The following FTO variants were observed in gnomAD, a reference collection of about 807,000 sequenced individuals.
FTO encodes alpha-ketoglutarate-dependent dioxygenase FTO.
In FTO, 47 loss-of-function variants were observed where a neutral mutation model predicts 63.9. The ratio of observed to expected loss-of-function variants is 0.74; its 90% confidence interval spans 0.58 to 0.94. The LOEUF (loss-of-function observed/expected upper bound fraction) is 0.94. Ranked by LOEUF, FTO falls within the 40% of genes least tolerant of loss-of-function variation. FTO has a pLI of 0.00. For synonymous variants in FTO, 207 were observed against 224.4 expected, an observed-to-expected ratio of 0.92 and a Z score of 0.69; for missense variants, 562 against 618.1, an observed-to-expected ratio of 0.91 and a Z score of 0.96.
chr16:53,953,616 T>C (rs1015039763), intron 8 of FTO, among the ~76,000 whole-genome samples: 4 of 152,202 alleles, frequency 2.6e-5, no homozygotes, highest in African/African-American at 9.6e-5. Context: ...TAGCAGCAAA[T>C]GTTACCATAT....
intron 8 of FTO, among the ~76,000 whole-genome samples, chr16:53,952,826 C>T (rs1187552964): frequency 6.6e-6 from 1 of 152,174 alleles, no homozygotes. Flanking sequence ...TCTCGATTAA[C>T]CTTGATTTAA....
chr16:53,704,058 T>G, upstream of FTO: 1 of 1,040,330 alleles, frequency 9.6e-7, no homozygotes, highest in South Asian at 1.4e-5. Flanking sequence ...GAGTTGTAGT[T>G]TTTTCTACTC....
intron 8 of FTO, among the ~76,000 whole-genome samples, chr16:54,075,272 T>G (rs937566600): frequency 1.2e-4 from 19 of 152,182 alleles, no homozygotes; most frequent in African/African-American, 4.6e-4. Flanking sequence ...TATCTGTTGG[T>G]AATGGCAATA....
chr16:53,757,045 C>G (rs1180714149), intron 1 of FTO, among the ~76,000 whole-genome samples: 1 of 151,922 alleles, frequency 6.6e-6, no homozygotes, highest in Non-Finnish European at 1.5e-5. Context: ...TGAGTGAAGT[C>G]TGTGTTTTCA....
At chr16:53,858,543 C>G (rs572357218) in intron 4 of FTO, among the ~76,000 whole-genome samples, 1 of 152,298 alleles carries the variant, frequency 6.6e-6, no homozygotes, top group South Asian at 2.1e-4. Context: ...ACATAACTTC[C>G]CCTCTCCTTC....
intron 8 of FTO, among the ~76,000 whole-genome samples, chr16:54,048,634 C>T (rs186150577): frequency 6.6e-6 from 1 of 152,168 alleles, no homozygotes; most frequent in African/African-American, 2.4e-5. Context: ...AGGGATGCCA[C>T]GTCATTAATA....
chr16:53,830,135 G>T (rs1389969764), intron 3 of FTO, among the ~76,000 whole-genome samples: 1 of 152,140 alleles, frequency 6.6e-6, no homozygotes, highest in African/African-American at 2.4e-5. Context: ...CATGAGTAGA[G>T]GTCATTGAGA....
chr16:53,923,913 A>C (rs988829709), intron 7 of FTO, among the ~76,000 whole-genome samples: 2 of 151,826 alleles, frequency 1.3e-5, no homozygotes, highest in Non-Finnish European at 2.9e-5. Context: ...CTGTGGCTCC[A>C]TGGCTTTTTG....
chr16:53,856,480 G>T (rs1444675962), intron 4 of FTO, among the ~76,000 whole-genome samples: 1 of 151,966 alleles, frequency 6.6e-6, no homozygotes, highest in African/African-American at 2.4e-5. Flanking sequence ...TTTTCTATGG[G>T]AGTGAAAACT....
At chr16:53,716,344 T>C (rs1331872324) in intron 1 of FTO, among the ~76,000 whole-genome samples, 1 of 152,216 alleles carries the variant, frequency 6.6e-6, no homozygotes, top group African/African-American at 2.4e-5. Context: ...TTGTTTATGT[T>C]CTGGCATTTA....
chr16:53,839,814 TATTTA>T (rs779901707), intron 3 of FTO, among the ~76,000 whole-genome samples: 2,948 of 61,394 alleles, frequency 0.048, 59 homozygotes, highest in Middle Eastern at 0.14. Flanking sequence ...TTTATTTATT[TATTTA>T]TTTTAAGGTG....
chr16:53,927,107 G>A (rs1003747746), intron 7 of FTO, among the ~76,000 whole-genome samples: 2 of 152,162 alleles, frequency 1.3e-5, no homozygotes, highest in African/African-American at 4.8e-5. Flanking sequence ...CTTGAAGCAG[G>A]AAAATTAATG....
chr16:53,954,213 A>C (rs2082867268), intron 8 of FTO, among the ~76,000 whole-genome samples: 1 of 152,116 alleles, frequency 6.6e-6, no homozygotes, highest in Admixed American at 6.5e-5. Context: ...ACATCTCGAG[A>C]ATGAGGAGTT....
At position 53,826,184 on chromosome 16, in the gene FTO, A is replaced by G. The variant is rs141915969; in HGVS notation, c.444A>G (p.Ile148Met). Reference sequence around the variant, plus strand: ...TCAAGCTCAATGACTACCTGCAGATAGAAACCATCCAGGCTTTGGAAGAAC... The same window carrying G: ...TCAAGCTCAATGACTACCTGCAGATGGAAACCATCCAGGCTTTGGAAGAAC... ...TFLKLNDYLQIETIQALEELA... is the reference protein window; with the variant it reads ...TFLKLNDYLQMETIQALEELA... Residue 148 changes from isoleucine (I) to methionine (M), a missense_variant, in exon 3 of 9, where the codon ATA (isoleucine) becomes ATG (methionine). Ile to Met is a conservative substitution (Grantham distance 10). Transcript: ENST00000471389. The G allele has an allele frequency of 1.2e-6, 2 of 1,614,086 alleles. No homozygotes were observed. The highest frequency in any genetic ancestry group is 2.7e-5 in the African/African-American group (2 of 74,936).
At chr16:54,065,845 C>T (rs1018795866) in intron 8 of FTO, among the ~76,000 whole-genome samples, 3 of 152,198 alleles carry the variant, frequency 2.0e-5, no homozygotes, top group Non-Finnish European at 2.9e-5. Context: ...TTGGAGTCCT[C>T]GTCCCCATCT....
chr16:54,119,713 A>G lies in FTO; in HGVS notation c.*7798A>G, dbSNP rs2144649180. On this transcript the variant is annotated 3_prime_UTR_variant, in exon 9 of 9. Coordinates refer to ENST00000471389, the MANE Select transcript of FTO (RefSeq NM_001080432.3). The stretch of plus-strand genomic sequence containing the variant: ...TGGAATGATCTGTCAGAAGCCATTA[A>G]AGCCCCCATTAGCTTGAATGCATTC... The G allele has an allele frequency of 6.6e-6, 1 of 152,306 alleles. No homozygotes were observed. Among genetic ancestry groups the G allele is most frequent in the South Asian group, 2.1e-4 (1 of 4,820 alleles). The allele number at this position is 152,306 out of a possible 1,614,324, so 9.4% of individuals were successfully genotyped here. A position where few individuals can be genotyped will look rare whatever the true frequency, so the allele number is the denominator to read the frequency against.
intron 8 of FTO, among the ~76,000 whole-genome samples, chr16:54,108,068 TG>T (rs2086796431): frequency 6.6e-6 from 1 of 152,138 alleles, no homozygotes; most frequent in Non-Finnish European, 1.5e-5. Context: ...TCATGAAGCA[TG>T]GGGAAGGGAC....
intron 8 of FTO, among the ~76,000 whole-genome samples, chr16:54,048,259 A>G (rs1341729764): frequency 2.7e-4 from 11 of 40,656 alleles, no homozygotes. Flanking sequence ...AATACTTGAA[A>G]AAAAAAAAAA....
chr16:53,929,962 C>T (rs1194026953), intron 7 of FTO, among the ~76,000 whole-genome samples: 2 of 152,096 alleles, frequency 1.3e-5, no homozygotes, highest in Non-Finnish European at 1.5e-5. Context: ...CAGGGTGATG[C>T]TAGGTGGCAC....
Sources: allele counts gnomAD v4.1 joint callset (sites outside exome capture counted in the v4.1 genomes callset), GRCh38; gene constraint gnomAD v4.1.1; transcripts MANE v1.5; gene names NCBI Gene and HGNC (gene_info 2026-07-23, HGNC 2026-07-21).